Variants in SLC14A2 observed in about 807,000 individuals in gnomAD.
The protein encoded by SLC14A2 is urea transporter 2.
Under a neutral mutation model 104.6 loss-of-function variants are expected in SLC14A2, and 91 were observed. The observed-to-expected ratio is 0.87, with a 90% CI of 0.73 to 1.04. SLC14A2 has a LOEUF of 1.04. SLC14A2 is among the 50% of genes least tolerant of loss of function. The pLI, the probability that SLC14A2 is intolerant of heterozygous loss-of-function variation, is 0.00. For missense variants in SLC14A2, 1,189 were observed against 1,156.0 expected (o/e 1.03, Z -0.41); for synonymous variants, 476 against 466.4 (o/e 1.02, Z -0.27).
chr18:45,666,127 C>T lies in SLC14A2; in HGVS notation c.1475-10C>T. The T allele has an allele frequency of 6.2e-7, 1 of 1,608,364 alleles. No individual in the cohort carries two copies. The highest frequency in any genetic ancestry group is 1.3e-5 in the African/African-American group (1 of 74,920). On this transcript the variant is annotated splice_polypyrimidine_tract_variant and intron_variant, in intron 11 of 19. Transcript: ENST00000255226. ...TCCTAACTGATGGTGCTCTTTCCTTCTAACTCCAGTGTTTGGAAAAGGCGA... is the reference window on the plus strand; with the variant it reads ...TCCTAACTGATGGTGCTCTTTCCTTTTAACTCCAGTGTTTGGAAAAGGCGA...
At chr18:45,393,903 G>C (rs9954370) in intron 1 of SLC14A2, among the ~76,000 whole-genome samples, 1 of 152,148 alleles carries the variant, frequency 6.6e-6, no homozygotes, top group Non-Finnish European at 1.5e-5. Context: ...TTATTTCACA[G>C]AAGAGGAAAC....
Position 45,644,177 on chromosome 18 carries a change from G to A in SLC14A2, c.1351+17G>A, listed in dbSNP as rs771483998. ...CCCCCAGCGGTGAATAGCCATGTTC[G>A]GGGAAGAAACGCTCTTTGCCTGACC... On this transcript the variant is annotated intron_variant, in intron 10 of 19. Coordinates refer to ENST00000255226, the MANE Select transcript of SLC14A2 (RefSeq NM_007163.4). 1.2e-5 allele frequency: 20 copies of A among 1,613,240 alleles called. No homozygotes were observed. The highest frequency in any genetic ancestry group is 3.3e-5 in the South Asian group (3 of 90,974).
At chr18:45,667,235 G>C (rs2046041336) in intron 13 of SLC14A2, 141 bp downstream of exon 13, 1 of 635,850 alleles carries the variant, frequency 1.6e-6, no homozygotes, top group Non-Finnish European at 2.7e-6. Context: ...TTTCCTGGAA[G>C]CTGGGAGTTT....
chr18:45,414,876 C>G (rs923837705), intron 1 of SLC14A2, among the ~76,000 whole-genome samples: 18 of 149,160 alleles, frequency 1.2e-4, no homozygotes, highest in African/African-American at 4.5e-4. Context: ...CTTCCCTTCT[C>G]TCCTTTCAGA....
In SLC14A2 at chr18:45,401,795, G is replaced by C. The variant is rs2086098991; in HGVS notation, c.-124-81438G>C. Among the ~76,000 whole-genome samples, 4 of 152,116 alleles carry C rather than the reference G, an allele frequency of 2.6e-5. No individual in the cohort carries two copies. In the South Asian group the frequency reaches 8.3e-4, roughly 32 times the overall value. ...CAGTAACGTAATGGTAGAAGATGTAGGAAATATTCTGGAGATACACTCCCT... is the reference window on the plus strand; with the variant it reads ...CAGTAACGTAATGGTAGAAGATGTACGAAATATTCTGGAGATACACTCCCT... On this transcript the variant is annotated intron_variant, in intron 1 of 20. Transcript: ENST00000586448.
At position 45,422,236 on chromosome 18, in the gene SLC14A2, C is replaced by T. The variant is rs192398888; in HGVS notation, c.-124-60997C>T. Among the ~76,000 whole-genome samples the T allele has an allele frequency of 3.9e-5, 6 of 152,240 alleles. No individual in the cohort carries two copies. The East Asian group carries it at 1.2e-3, about 29-fold the overall frequency. ...CTCTCAAGCAGGAAGAAGCTGGATC[C>T]AAGGCCTGTTTGCAGCAGCTATTAC... On this transcript the variant is annotated intron_variant, in intron 1 of 20. Coordinates refer to the SLC14A2 transcript ENST00000586448.
At chr18:45,452,946 A>C (rs2542986) in intron 1 of SLC14A2, among the ~76,000 whole-genome samples, 129,516 of 152,174 alleles carry the variant, frequency 0.85, 55,128 homozygotes, top group South Asian at 0.93. Flanking sequence ...TGGCCCACTG[A>C]AGCAATTGCT....
intron 1 of SLC14A2, among the ~76,000 whole-genome samples, chr18:45,449,688 A>G (rs538802174): frequency 6.6e-6 from 1 of 152,182 alleles, no homozygotes; most frequent in Non-Finnish European, 1.5e-5. Context: ...CATCATATTA[A>G]GAAGAGAAGG....
At chr18:45,502,237 T>C (rs1475229236) in intron 2 of SLC14A2, among the ~76,000 whole-genome samples, 1 of 152,236 alleles carries the variant, frequency 6.6e-6, no homozygotes, top group Non-Finnish European at 1.5e-5. Context: ...TTGTTTCCAA[T>C]GCAGTTGATT....
chr18:45,341,956 A>T (rs940412454), intron 1 of SLC14A2, among the ~76,000 whole-genome samples: 1 of 152,192 alleles, frequency 6.6e-6, no homozygotes, highest in Non-Finnish European at 1.5e-5. Context: ...GTATTAGGCA[A>T]GCTTTGTTCA....
chr18:45,186,421 T>C, the SLC14A2 span, among the ~76,000 whole-genome samples: 2 of 152,216 alleles, frequency 1.3e-5, no homozygotes, highest in Non-Finnish European at 2.9e-5. Flanking sequence ...AAAAAATTAA[T>C]ATTTCACATC....
At chr18:45,343,355 C>G (rs1013297259) in intron 1 of SLC14A2, among the ~76,000 whole-genome samples, 1 of 151,928 alleles carries the variant, frequency 6.6e-6, no homozygotes. Flanking sequence ...CAGAGGTAAC[C>G]AATGCTAGGG....
Position 45,639,043 on chromosome 18 carries a change from G to C in SLC14A2, c.844-703G>C, listed in dbSNP as rs928822799. On this transcript the variant is annotated intron_variant, in intron 6 of 19. Coordinates refer to ENST00000255226, the MANE Select transcript of SLC14A2 (RefSeq NM_007163.4). ...CAATTCCAGCACCAAGTTACTCTCA[G>C]GCTCAGGGATGTCTGGGCTTCAGGC... Among the ~76,000 whole-genome samples the C allele has an allele frequency of 3.9e-5, 6 of 152,350 alleles. 1 individual carries two copies. Among genetic ancestry groups the C allele is most frequent in the Admixed American group, 6.5e-5 (1 of 15,298 alleles).
intron 1 of SLC14A2, among the ~76,000 whole-genome samples, chr18:45,459,974 T>C (rs2087014264): frequency 6.6e-6 from 1 of 152,204 alleles, no homozygotes; most frequent in African/African-American, 2.4e-5. Flanking sequence ...ACCAGGTACC[T>C]GGGGCTCTCA....
At chr18:45,665,688 C>CTTTCTTTTTTTT (rs371437384) in intron 11 of SLC14A2, among the ~76,000 whole-genome samples, 4 of 79,294 alleles carry the variant, frequency 5.0e-5, no homozygotes, top group African/African-American at 2.2e-4. Context: ...AACCAAGTTT[C>CTTTCTTTTTTTT]TTTTTTTTTT....
intron 1 of SLC14A2, among the ~76,000 whole-genome samples, chr18:45,421,562 G>A (rs899718140): frequency 3.3e-5 from 5 of 152,118 alleles, no homozygotes; most frequent in African/African-American, 1.2e-4. Flanking sequence ...GTGTTAAGGC[G>A]ATGTTTTTGG....
chr18:45,643,379 G>A (rs2045563574), intron 9 of SLC14A2, among the ~76,000 whole-genome samples, 198 bp downstream of exon 9: 1 of 152,168 alleles, frequency 6.6e-6, no homozygotes, highest in Non-Finnish European at 1.5e-5. Flanking sequence ...GGAGAGGGAG[G>A]GGTGTGTGTG....
chr18:45,588,838 C>A (rs1320926116), intron 2 of SLC14A2, among the ~76,000 whole-genome samples: 2 of 152,164 alleles, frequency 1.3e-5, no homozygotes, highest in African/African-American at 4.8e-5. Flanking sequence ...AAACCCTAAA[C>A]CGTAATTCTT....
chr18:45,492,570 T>C (rs1046613780), intron 2 of SLC14A2, among the ~76,000 whole-genome samples: 3 of 152,162 alleles, frequency 2.0e-5, no homozygotes, highest in Non-Finnish European at 4.4e-5. Context: ...AGTCCACATG[T>C]AGTGATTACA....
Sources: allele counts gnomAD v4.1 joint callset (sites outside exome capture counted in the v4.1 genomes callset), GRCh38; gene constraint gnomAD v4.1.1; transcripts MANE v1.5; gene names NCBI Gene and HGNC (gene_info 2026-07-23, HGNC 2026-07-21).